Variants in NEK1 observed in about 807,000 individuals in gnomAD.
NEK1 encodes NIMA related kinase 1, also known as serine/threonine-protein kinase Nek1.
NEK1 carries 137 observed loss-of-function variants against 182.1 expected under a neutral mutation model. The ratio of observed to expected loss-of-function variants is 0.75; its 90% CI spans 0.65 to 0.87. NEK1 has a LOEUF of 0.87. NEK1 is among the 40% of genes least tolerant of loss of function. The probability of loss-of-function intolerance (pLI) is 0.00; values close to 1 mark genes in which losing one functional copy is unlikely to be tolerated. For missense variants in NEK1, 1,391 were observed against 1,494.4 expected (o/e 0.93, Z 1.14); for synonymous variants, 513 against 492.2 (o/e 1.04, Z -0.56).
chr4:169,425,196 G>A (rs1736162524), intron 30 of NEK1, among the ~76,000 whole-genome samples: 1 of 148,452 alleles, frequency 6.7e-6, no homozygotes, highest in African/African-American at 2.6e-5. Context: ...AATTAGCCAA[G>A]GTGGAGGATT....
At chr4:169,426,352 A>G in intron 29 of NEK1, 118 bp from the exon 30 acceptor site, 2 of 764,592 alleles carry the variant, frequency 2.6e-6, no homozygotes, top group East Asian at 5.4e-5. Flanking sequence ...TCCCTCTTCC[A>G]AGTATTTTTC....
At chr4:169,443,603 A>G (rs1046756762) in intron 27 of NEK1, among the ~76,000 whole-genome samples, 4 of 152,064 alleles carry the variant, frequency 2.6e-5, no homozygotes, top group African/African-American at 9.7e-5. Context: ...AAGGACATAG[A>G]AAATTTCTCT....
intron 23 of NEK1, among the ~76,000 whole-genome samples, chr4:169,499,030 T>C (rs1751913450): frequency 2.0e-5 from 3 of 152,232 alleles, no homozygotes; most frequent in Non-Finnish European, 2.9e-5. Context: ...TCCCCATCAC[T>C]TTCAGGTACA....
intron 35 of NEK1, among the ~76,000 whole-genome samples, chr4:169,397,302 T>C (rs1192825493): frequency 6.6e-6 from 1 of 151,998 alleles, no homozygotes; most frequent in African/African-American, 2.4e-5. Context: ...TGACTTCCAA[T>C]AAGAAGGAGT....
At chr4:169,465,483 A>C (rs559612183) in intron 26 of NEK1, among the ~76,000 whole-genome samples, 1 of 152,180 alleles carries the variant, frequency 6.6e-6, no homozygotes, top group East Asian at 1.9e-4. Flanking sequence ...ACAGAGAGAG[A>C]ACTCAGGAAA....
At chr4:169,430,224 C>T (rs1230516418) in intron 29 of NEK1, among the ~76,000 whole-genome samples, 1 of 152,036 alleles carries the variant, frequency 6.6e-6, no homozygotes, top group Non-Finnish European at 1.5e-5. Flanking sequence ...ACTCTGTCAC[C>T]TAGGCTGGAG....
intron 23 of NEK1, among the ~76,000 whole-genome samples, chr4:169,488,532 G>A (rs768615729): frequency 1.3e-5 from 2 of 152,034 alleles, no homozygotes; most frequent in African/African-American, 2.4e-5. Flanking sequence ...ATTGTTCTAT[G>A]TGTCTATTTT....
At chr4:169,491,118 C>T (rs1260712518) in intron 23 of NEK1, among the ~76,000 whole-genome samples, 1 of 98,702 alleles carries the variant, frequency 1.0e-5, no homozygotes, top group Non-Finnish European at 1.8e-5. Flanking sequence ...ACTCCAGCAA[C>T]AGAGGAAGAC....
rs1222510985 is a variant in NEK1, at chr4:169,590,884, G to A, written c.313-75C>T. 5 of 932,608 alleles carry A rather than the reference G, an allele frequency of 5.4e-6. No individual in the cohort carries two copies. In the African/African-American group the frequency reaches 8.3e-5, roughly 16 times the overall value. The allele number at this position is 932,608 out of a possible 1,614,324, so 57.8% of individuals were successfully genotyped here. On this transcript the variant is annotated intron_variant, in intron 5 of 35. Coordinates refer to ENST00000507142, the MANE Select transcript of NEK1 (RefSeq NM_001199397.3). Reference sequence around the variant, plus strand: ...ATTCAAGAATATTTAGGGATGAGAGGAACTAAATCCTTAAAAAGATATTTT... The same window carrying A: ...ATTCAAGAATATTTAGGGATGAGAGAAACTAAATCCTTAAAAAGATATTTT...
intron 26 of NEK1, 144 bp from the exon 27 acceptor site, chr4:169,463,539 T>G (rs1423511768): frequency 2.2e-6 from 1 of 451,016 alleles, no homozygotes; most frequent in Admixed American, 4.0e-5. Context: ...GAAAGAATGA[T>G]GAATAATGGC....
chr4:169,510,193 C>G (rs1178224865), intron 19 of NEK1, among the ~76,000 whole-genome samples: 2 of 152,168 alleles, frequency 1.3e-5, no homozygotes, highest in Non-Finnish European at 2.9e-5. Flanking sequence ...CTTCTCTTCT[C>G]ATCCCCAGGC....
rs79603351 is a variant in NEK1, at chr4:169,457,873, G to A, written c.2587+5370C>T. ...AAGACCGGAAGCTACATATTAAAAA[G>A]ATATACTATGATGAAGACTACAAAA... On this transcript the variant is annotated intron_variant, in intron 27 of 35. Transcript: ENST00000507142. Among the ~76,000 whole-genome samples, 744 of 151,980 alleles carry A rather than the reference G, an allele frequency of 4.9e-3. 8 individuals carry two copies. The highest frequency in any genetic ancestry group is 7.7e-3 in the Admixed American group (118 of 15,270).
At chr4:169,544,139 A>T (rs1044142642) in intron 18 of NEK1, among the ~76,000 whole-genome samples, 1 of 151,736 alleles carries the variant, frequency 6.6e-6, no homozygotes, top group Admixed American at 6.6e-5. Flanking sequence ...TCTTATTAAG[A>T]TCTGTTCCAT....
chr4:169,396,631 C>T (rs918942423), intron 35 of NEK1, among the ~76,000 whole-genome samples: 2 of 152,132 alleles, frequency 1.3e-5, no homozygotes, highest in African/African-American at 4.8e-5. Flanking sequence ...GATATTGACG[C>T]TTACCAAACC....
At chr4:169,579,525 T>C (rs1335162849) in intron 11 of NEK1, among the ~76,000 whole-genome samples, 1 of 152,136 alleles carries the variant, frequency 6.6e-6, no homozygotes, top group African/African-American at 2.4e-5. Context: ...AGCTGGTGGC[T>C]CATGCCTGTA....
intron 18 of NEK1, among the ~76,000 whole-genome samples, chr4:169,538,270 A>G (rs1034597055): frequency 3.9e-5 from 6 of 152,120 alleles, no homozygotes; most frequent in East Asian, 1.9e-4. Context: ...ATCAAATATA[A>G]TAAGAATCTT....
intron 9 of NEK1, among the ~76,000 whole-genome samples, chr4:169,587,086 CA>C (rs1022512932): frequency 6.6e-6 from 1 of 150,790 alleles, no homozygotes. Context: ...TATGTTATTT[CA>C]AAAAAAAGTC....
intron 23 of NEK1, among the ~76,000 whole-genome samples, chr4:169,497,752 G>A (rs1411344304): frequency 1.3e-5 from 2 of 152,208 alleles, no homozygotes; most frequent in African/African-American, 4.8e-5. Context: ...TAGTCTGATT[G>A]CACTGTGGTC....
At chr4:169,441,376 T>G (rs1324555915) in intron 27 of NEK1, among the ~76,000 whole-genome samples, 1 of 152,154 alleles carries the variant, frequency 6.6e-6, no homozygotes, top group Non-Finnish European at 1.5e-5. Context: ...GGGAGATCGA[T>G]CTGCCCCATG....
Sources: gnomAD v4.1 joint callset for allele counts (sites outside exome capture counted in the v4.1 genomes callset) on GRCh38, gnomAD v4.1.1 for gene constraint, MANE v1.5 for transcripts, NCBI Gene and HGNC (gene_info 2026-07-23, HGNC 2026-07-21) for gene names.